PDE10A: variants seen among roughly 807,000 people sequenced by gnomAD.
PDE10A encodes the protein phosphodiesterase 10A.
Under a neutral mutation model 97.7 loss-of-function variants are expected in PDE10A, and 39 were observed. That is an observed-to-expected ratio of 0.40 (90% CI 0.31 to 0.52). PDE10A has a LOEUF of 0.52. Ranked by LOEUF, PDE10A falls within the 20% of genes least tolerant of loss-of-function variation. The probability of loss-of-function intolerance (pLI) is 0.56; values close to 1 mark genes in which losing one functional copy is unlikely to be tolerated. For synonymous variants in PDE10A, 371 were observed against 376.8 expected (o/e 0.98, Z 0.18); for missense variants, 731 against 1,047.8 (o/e 0.70, Z 4.17).
chr6:165,358,189 CT>C (rs1562379589), intron 18 of PDE10A, among the ~76,000 whole-genome samples: 1 of 152,048 alleles, frequency 6.6e-6, no homozygotes, highest in East Asian at 1.9e-4. Flanking sequence ...AGACTTCAAT[CT>C]TTTGAAATTT....
At chr6:165,960,112 A>C (rs1016390306) in intron 1 of PDE10A, among the ~76,000 whole-genome samples, 3 of 152,230 alleles carry the variant, frequency 2.0e-5, no homozygotes, top group African/African-American at 4.8e-5. Flanking sequence ...ACCTAGAGAG[A>C]AAGTGAGCTG....
intron 1 of PDE10A, among the ~76,000 whole-genome samples, chr6:165,914,608 G>A (rs546307052): frequency 6.6e-6 from 1 of 152,340 alleles, no homozygotes; most frequent in South Asian, 2.1e-4. Flanking sequence ...CACCAACTCA[G>A]ACAGAATGGG....
At chr6:165,473,698 C>CTGTT (rs1414607820) in intron 3 of PDE10A, among the ~76,000 whole-genome samples, 6 of 152,116 alleles carry the variant, frequency 3.9e-5, no homozygotes, top group Admixed American at 3.9e-4. Context: ...AAGGAAAACA[C>CTGTT]TGTGGCCAAA....
chr6:165,354,962 T>C (rs928620857), intron 18 of PDE10A, among the ~76,000 whole-genome samples: 2 of 152,220 alleles, frequency 1.3e-5, no homozygotes, highest in Non-Finnish European at 2.9e-5. Context: ...AACTCATTAT[T>C]AATTCTTAAG....
intron 2 of PDE10A, among the ~76,000 whole-genome samples, chr6:165,492,928 TA>T (rs1380295885): frequency 2.0e-5 from 3 of 152,234 alleles, no homozygotes; most frequent in South Asian, 4.1e-4. Context: ...ATCATATACC[TA>T]GAAAACCCTA....
At chr6:165,421,539 C>G (rs1241441902) in intron 10 of PDE10A, among the ~76,000 whole-genome samples, 1 of 152,078 alleles carries the variant, frequency 6.6e-6, no homozygotes, top group Admixed American at 6.5e-5. Context: ...ATAATGTTTT[C>G]CTCAAAACAA....
chr6:165,499,703 T>C (rs892530463), intron 2 of PDE10A, among the ~76,000 whole-genome samples: 4 of 152,170 alleles, frequency 2.6e-5, no homozygotes, highest in African/African-American at 7.2e-5. Context: ...GAAAACTATA[T>C]ATAGTATTAA....
chr6:165,751,984 A>AG (rs1365145987), intron 1 of PDE10A, among the ~76,000 whole-genome samples: 1 of 151,956 alleles, frequency 6.6e-6, no homozygotes, highest in African/African-American at 2.4e-5. Context: ...CTAAAAAAAA[A>AG]GTGAAAAAAC....
At chr6:165,606,553 A>G (rs1030560259) in intron 1 of PDE10A, among the ~76,000 whole-genome samples, 8 of 152,116 alleles carry the variant, frequency 5.3e-5, no homozygotes, top group African/African-American at 1.7e-4. Context: ...TCCACCTGCT[A>G]TTGATCAAAG....
intron 1 of PDE10A, among the ~76,000 whole-genome samples, chr6:165,909,352 G>C (rs1397261034): frequency 6.6e-6 from 1 of 152,224 alleles, no homozygotes. Context: ...GAGCCACTTA[G>C]ATAAGAAATT....
chr6:165,831,660 AT>A (rs1779921128), intron 1 of PDE10A, among the ~76,000 whole-genome samples: 1 of 150,912 alleles, frequency 6.6e-6, no homozygotes, highest in South Asian at 2.1e-4. Context: ...AATTTTTTGT[AT>A]TTTTCAGTAG....
chr6:165,385,943 C>T (rs1325084041), intron 17 of PDE10A, among the ~76,000 whole-genome samples: 1 of 152,146 alleles, frequency 6.6e-6, no homozygotes, highest in Admixed American at 6.6e-5. Flanking sequence ...GTACCTAGCA[C>T]CTTATCTTCT....
chr6:165,747,691 A>G (rs192624824), intron 1 of PDE10A, among the ~76,000 whole-genome samples: 115 of 152,296 alleles, frequency 7.6e-4, no homozygotes, highest in African/African-American at 2.6e-3. Flanking sequence ...GTAGGTGGGT[A>G]GAACCCCAGA....
chr6:165,962,180 A>G (rs1583356706), intron 1 of PDE10A, among the ~76,000 whole-genome samples: 1 of 152,360 alleles, frequency 6.6e-6, no homozygotes, highest in East Asian at 1.9e-4. Flanking sequence ...TGCACATCAC[A>G]AAGAAAACTG....
intron 3 of PDE10A, among the ~76,000 whole-genome samples, chr6:165,464,579 T>C (rs1484115532): frequency 1.3e-5 from 2 of 152,196 alleles, no homozygotes; most frequent in East Asian, 1.9e-4. Context: ...ATGGTACTAG[T>C]GCATAAATCC....
intron 1 of PDE10A, among the ~76,000 whole-genome samples, chr6:165,630,465 T>C (rs758855043): frequency 4.6e-5 from 7 of 152,194 alleles, no homozygotes; most frequent in Non-Finnish European, 7.3e-5. Context: ...ATTTCAACAC[T>C]GATCTGAATG....
intron 1 of PDE10A, among the ~76,000 whole-genome samples, chr6:165,851,884 A>C (rs1394743330): frequency 6.6e-6 from 1 of 152,184 alleles, no homozygotes; most frequent in Non-Finnish European, 1.5e-5. Flanking sequence ...TCAGGCCAAG[A>C]GTTCAAGACC....
At chr6:165,582,362 T>C (rs535143801) in intron 1 of PDE10A, among the ~76,000 whole-genome samples, 17 of 152,258 alleles carry the variant, frequency 1.1e-4, no homozygotes, top group African/African-American at 4.1e-4. Flanking sequence ...CAGTGAGAGC[T>C]TCTTAAGTAT....
chr6:165,360,648 G>A (rs1783348441), intron 18 of PDE10A, among the ~76,000 whole-genome samples: 1 of 152,172 alleles, frequency 6.6e-6, no homozygotes, highest in South Asian at 2.1e-4. Flanking sequence ...TGGCTGGGAG[G>A]AGCCATCCTA....
Sources: gnomAD v4.1 joint callset for allele counts (sites outside exome capture counted in the v4.1 genomes callset) on GRCh38, gnomAD v4.1.1 for gene constraint, MANE v1.5 for transcripts, NCBI Gene and HGNC (gene_info 2026-07-23, HGNC 2026-07-21) for gene names.